The following SHTN1 variants were observed in gnomAD, a reference collection of about 807,000 sequenced individuals.
SHTN1 encodes the protein shootin-1.
Under a neutral mutation model 83.1 loss-of-function variants are expected in SHTN1, and 42 were observed. That is an observed-to-expected ratio of 0.51 (90% CI 0.39 to 0.65). SHTN1 has a LOEUF of 0.65. Among genes scored for constraint, SHTN1 ranks in the 30% least tolerant of loss-of-function variants. The pLI is 0.00. For synonymous variants in SHTN1, 224 were observed against 247.7 expected (o/e 0.90, Z 0.90); for missense variants, 622 against 737.8 (o/e 0.84, Z 1.82).
At chr10:116,935,935 T>C (rs1471204462) in intron 9 of SHTN1, among the ~76,000 whole-genome samples, 1 of 152,200 alleles carries the variant, frequency 6.6e-6, no homozygotes, top group African/African-American at 2.4e-5. Flanking sequence ...TTCTTCTAGA[T>C]TTTCTAGTTT....
At chr10:116,962,151 T>C (rs1051197438) in intron 3 of SHTN1, among the ~76,000 whole-genome samples, 19 of 149,282 alleles carry the variant, frequency 1.3e-4, no homozygotes, top group Non-Finnish European at 2.5e-4. Flanking sequence ...ATGCAGCTGC[T>C]TGGCATACAA....
chr10:116,947,325 T>C (rs1003801896), intron 7 of SHTN1, among the ~76,000 whole-genome samples: 7 of 151,952 alleles, frequency 4.6e-5, no homozygotes, highest in African/African-American at 1.7e-4. Context: ...CTGAGCTGAG[T>C]CATACCAACA....
chr10:117,036,840 A>G (rs1852505006), intron 2 of SHTN1, among the ~76,000 whole-genome samples: 1 of 152,228 alleles, frequency 6.6e-6, no homozygotes, highest in African/African-American at 2.4e-5. Flanking sequence ...CCCATGTTAC[A>G]TAATGTGGCT....
rs779336840 is a variant in SHTN1, at chr10:116,904,437, CTT to C, written c.1480+2188_1480+2189del. ...AAGAGTTTGTAAGTTTGTTTCCTTC[CTT>C]TTTTTTTTTTCTTTTGCTTTGGCTA... On this transcript the variant is annotated intron_variant, in intron 15 of 16. Transcript: ENST00000355371. 1.0e-4 allele frequency among the ~76,000 whole-genome samples: 15 copies of C among 144,826 alleles called. No homozygotes were observed. The East Asian group carries it at 3.0e-3, about 29-fold the overall frequency.
At chr10:116,993,419 T>G (rs1851515881) in intron 1 of SHTN1, among the ~76,000 whole-genome samples, 1 of 152,168 alleles carries the variant, frequency 6.6e-6, no homozygotes, top group Non-Finnish European at 1.5e-5. Flanking sequence ...ACTCGTAAAT[T>G]AAATTTACTT....
At chr10:117,037,450 G>C (rs149637418) in intron 2 of SHTN1, among the ~76,000 whole-genome samples, 1 of 152,272 alleles carries the variant, frequency 6.6e-6, no homozygotes, top group Non-Finnish European at 1.5e-5. Context: ...CATGTGCAAG[G>C]ATAGGAAGAC....
chr10:116,944,404 G>A (rs551161068), intron 8 of SHTN1, among the ~76,000 whole-genome samples: 49 of 152,230 alleles, frequency 3.2e-4, no homozygotes, highest in African/African-American at 9.4e-4. Context: ...CTGAAGAATT[G>A]CTCAGAGGTC....
intron 15 of SHTN1, among the ~76,000 whole-genome samples, chr10:116,903,362 G>C (rs1847824493): frequency 6.6e-6 from 1 of 152,152 alleles, no homozygotes; most frequent in South Asian, 2.1e-4. Context: ...GTGAAACCCT[G>C]TCTCTACTAG....
chr10:116,980,444 C>T (rs1365200348), intron 1 of SHTN1, among the ~76,000 whole-genome samples: 1 of 151,984 alleles, frequency 6.6e-6, no homozygotes, highest in Non-Finnish European at 1.5e-5. Flanking sequence ...CAGGCACATA[C>T]TACCATGCCC....
At chr10:117,105,048 A>G (rs1283721801) in intron 1 of SHTN1, among the ~76,000 whole-genome samples, 1 of 151,952 alleles carries the variant, frequency 6.6e-6, no homozygotes, top group Non-Finnish European at 1.5e-5. Context: ...CCAACACTCC[A>G]CAACCTTCAC....
At chr10:117,116,283 A>G (rs920044969) in intron 1 of SHTN1, among the ~76,000 whole-genome samples, 1 of 152,140 alleles carries the variant, frequency 6.6e-6, no homozygotes, top group South Asian at 2.1e-4. Flanking sequence ...GCTATTATGA[A>G]TAACTATATG....
At chr10:117,101,100 T>C (rs1015764933) in intron 1 of SHTN1, among the ~76,000 whole-genome samples, 3 of 112,206 alleles carry the variant, frequency 2.7e-5, no homozygotes, top group Non-Finnish European at 6.4e-5. Flanking sequence ...TGTTGTGTAG[T>C]AATTAAATGG....
At chr10:116,955,742 G>A (rs1038641994) in intron 4 of SHTN1, among the ~76,000 whole-genome samples, 2 of 152,144 alleles carry the variant, frequency 1.3e-5, no homozygotes, top group African/African-American at 2.4e-5. Flanking sequence ...TGGAGAATCA[G>A]GAAGAATCTC....
rs112802739 is a variant in SHTN1 at position 116,984,440 on chromosome 10, C to G, written c.59-5132G>C. Among the ~76,000 whole-genome samples, 626 of 152,256 alleles carry G rather than the reference C, an allele frequency of 4.1e-3. 1 individual carries two copies. The highest frequency in any genetic ancestry group is 6.4e-3 in the Non-Finnish European group (434 of 68,010). ...AGTTCTGGGCCGCTCTGTCAAGAGG[C>G]TCTGCAAGCATCTCAAACTCAACTT... On this transcript the variant is annotated intron_variant, in intron 1 of 16. Coordinates refer to ENST00000355371, the MANE Select transcript of SHTN1 (RefSeq NM_001127211.3).
rs535493391 is a variant in SHTN1, at chr10:116,939,586, C to T, written c.858+880G>A. On this transcript the variant is annotated intron_variant, in intron 9 of 16. Transcript: ENST00000355371. ...GTTGATCCCGCTCGGAGCTGCAGACCGGAGCTGTTCGTATTCGGCCATCTT... is the reference window on the plus strand; with the variant it reads ...GTTGATCCCGCTCGGAGCTGCAGACTGGAGCTGTTCGTATTCGGCCATCTT... 9.2e-5 allele frequency among the ~76,000 whole-genome samples: 14 copies of T among 152,320 alleles called. No homozygotes were observed. The South Asian group carries it at 2.5e-3, about 27-fold the overall frequency.
intron 2 of SHTN1, among the ~76,000 whole-genome samples, chr10:117,012,524 G>T (rs1001535111): frequency 6.6e-6 from 1 of 152,042 alleles, no homozygotes; most frequent in Non-Finnish European, 1.5e-5. Context: ...TCAAAACTTG[G>T]TGCTAGATCA....
chr10:116,951,930 T>C lies in SHTN1; in HGVS notation c.513A>G (p.Lys171=), dbSNP rs1849791341. The C allele has an allele frequency of 6.3e-6, 10 of 1,592,892 alleles. No individual in the cohort carries two copies. Among genetic ancestry groups the C allele is most frequent in the Non-Finnish European group, 8.6e-6 (10 of 1,165,664 alleles). Residue 171 remains lysine (K), a synonymous_variant, in exon 6 of 17, where the codon AAA becomes AAG. Coordinates refer to ENST00000355371, the MANE Select transcript of SHTN1 (RefSeq NM_001127211.3). ...LAIELENLKS[K]LVEVIEEVNK... ...ATACTTCTTCAATTACTTCTACGAG[T>C]TTGCTCTTGAGATTTTCCAGCTCAA...
At position 117,005,175 on chromosome 10, in the gene SHTN1, G is replaced by A. The variant is rs1030189789; in HGVS notation, c.-96C>T. On this transcript the variant is annotated 5_prime_UTR_variant, in exon 1 of 17. Coordinates refer to ENST00000355371, the MANE Select transcript of SHTN1 (RefSeq NM_001127211.3). ...AAAAGCAAGATGCCGGTGGCTTGCGGCTCCACTACCCGGAAGTTGGATCCG... is the reference window on the plus strand; with the variant it reads ...AAAAGCAAGATGCCGGTGGCTTGCGACTCCACTACCCGGAAGTTGGATCCG... 3 of 1,541,866 alleles carry A rather than the reference G, an allele frequency of 1.9e-6. No individual in the cohort carries two copies. Among genetic ancestry groups the A allele is most frequent in the South Asian group, 2.4e-5 (2 of 83,684 alleles).
intron 7 of SHTN1, among the ~76,000 whole-genome samples, chr10:116,947,919 C>A (rs1849647909): frequency 6.6e-6 from 1 of 152,156 alleles, no homozygotes; most frequent in African/African-American, 2.4e-5. Flanking sequence ...ATATTGCCCA[C>A]ATTTAACTAC....
Sources: gnomAD v4.1 joint callset for allele counts (sites outside exome capture counted in the v4.1 genomes callset) on GRCh38, gnomAD v4.1.1 for gene constraint, MANE v1.5 for transcripts, NCBI Gene and HGNC (gene_info 2026-07-23, HGNC 2026-07-21) for gene names.